DLGAP1: variants seen among roughly 807,000 people sequenced by gnomAD.
The protein encoded by DLGAP1 is disks large-associated protein 1.
Under a neutral mutation model 90.8 loss-of-function variants are expected in DLGAP1, and 11 were observed. The observed-to-expected ratio is 0.12, with a 90% CI of 0.08 to 0.20. The LOEUF is 0.20. Ranked by LOEUF, DLGAP1 falls within the 10% of genes least tolerant of loss-of-function variation. DLGAP1 has a pLI of 1.00. For missense variants in DLGAP1, 1,050 were observed against 1,333.8 expected, an observed-to-expected ratio of 0.79 and a Z score of 3.31; for synonymous variants, 558 against 540.7, an observed-to-expected ratio of 1.03 and a Z score of -0.44.
At chr18:3,751,969 T>C (rs2063516517) in intron 5 of DLGAP1, among the ~76,000 whole-genome samples, 1 of 151,416 alleles carries the variant, frequency 6.6e-6, no homozygotes, top group South Asian at 2.1e-4. Context: ...CTGCAACCTC[T>C]GCTGCCCAGG....
At chr18:4,248,976 G>C (rs964211816) in intron 1 of DLGAP1, among the ~76,000 whole-genome samples, 1 of 152,136 alleles carries the variant, frequency 6.6e-6, no homozygotes, top group Non-Finnish European at 1.5e-5. Flanking sequence ...CCTTTGCCTG[G>C]AATGCTCAGA....
intron 1 of DLGAP1, among the ~76,000 whole-genome samples, chr18:4,249,651 A>G (rs2078737112): frequency 1.3e-5 from 2 of 152,196 alleles, no homozygotes; most frequent in African/African-American, 4.8e-5. Flanking sequence ...GCAGTGGTGC[A>G]ATCATAGCTC....
chr18:4,302,801 T>C (rs1041288836), intron 1 of DLGAP1, among the ~76,000 whole-genome samples: 1 of 152,200 alleles, frequency 6.6e-6, no homozygotes, highest in Non-Finnish European at 1.5e-5. Context: ...ATAGGTCACA[T>C]TGGGTAGCAT....
chr18:4,382,830 G>T (rs542306399), intron 1 of DLGAP1, among the ~76,000 whole-genome samples: 2 of 152,046 alleles, frequency 1.3e-5, no homozygotes, highest in South Asian at 4.1e-4. Flanking sequence ...ATTTAAGAAA[G>T]ATTTATTAAA....
At chr18:3,955,675 T>C (rs2073070735) in intron 3 of DLGAP1, among the ~76,000 whole-genome samples, 1 of 151,176 alleles carries the variant, frequency 6.6e-6, no homozygotes, top group Non-Finnish European at 1.5e-5. Flanking sequence ...GATCGTGCCA[T>C]TGCACTCCAC....
intron 1 of DLGAP1, among the ~76,000 whole-genome samples, chr18:4,284,275 G>C (rs140247914): frequency 6.6e-6 from 1 of 151,598 alleles, no homozygotes; most frequent in Non-Finnish European, 1.5e-5. Context: ...GTATAATGTC[G>C]GCTCTTCCTT....
In DLGAP1 at chr18:3,735,996, A is replaced by C. The variant is rs187706802; in HGVS notation, c.1350+6339T>G. Reference sequence around the variant, plus strand: ...AGCACACACCATGCCACATGCACACACACACACATAATGAGGGGATGGCCT... The same window carrying C: ...AGCACACACCATGCCACATGCACACCCACACACATAATGAGGGGATGGCCT... On this transcript the variant is annotated intron_variant, in intron 6 of 12. Coordinates refer to ENST00000315677, the MANE Select transcript of DLGAP1 (RefSeq NM_004746.4). 1.5e-3 allele frequency among the ~76,000 whole-genome samples: 231 copies of C among 152,170 alleles called. 1 individual carries two copies. Among genetic ancestry groups the C allele is most frequent in the African/African-American group, 5.4e-3 (223 of 41,512 alleles).
In DLGAP1 at chr18:3,729,675, C is replaced by G. The variant is rs2062346804; in HGVS notation, c.1351-300G>C. Among the ~76,000 whole-genome samples, 1 of 152,070 alleles carries G rather than the reference C, an allele frequency of 6.6e-6. No homozygotes were observed. The highest frequency in any genetic ancestry group is 6.5e-5 in the Admixed American group (1 of 15,268). On this transcript the variant is annotated intron_variant, in intron 6 of 12. Transcript: ENST00000315677. This position sits in a 1 kb window ranked among gnomAD's most constrained non-coding sequence, Gnocchi z 6.2. Reference sequence around the variant, plus strand: ...CCACCCGCCTGGGCCTCCCAAAGTGCTGGGATTACAGGCATGAGCTACCAC... The same window carrying G: ...CCACCCGCCTGGGCCTCCCAAAGTGGTGGGATTACAGGCATGAGCTACCAC...
At chr18:4,066,995 A>T (rs1269361676) in intron 2 of DLGAP1, among the ~76,000 whole-genome samples, 3 of 152,212 alleles carry the variant, frequency 2.0e-5, no homozygotes, top group Non-Finnish European at 4.4e-5. Context: ...CTATGCAGCC[A>T]TACAAAAGAA....
Position 4,342,322 on chromosome 18 carries a change from C to A in DLGAP1, c.-267+112684G>T, listed in dbSNP as rs1033844390. 1.3e-5 allele frequency among the ~76,000 whole-genome samples: 2 copies of A among 151,934 alleles called. No individual in the cohort carries two copies. The highest frequency in any genetic ancestry group is 2.9e-5 in the Non-Finnish European group (2 of 68,002). ...ATTAGATGTTACTTGTATTTTTGAACTATAAAATATTATACTTATGAATAT... is the reference window on the plus strand; with the variant it reads ...ATTAGATGTTACTTGTATTTTTGAAATATAAAATATTATACTTATGAATAT... On this transcript the variant is annotated intron_variant, in intron 1 of 12. Coordinates refer to ENST00000315677, the MANE Select transcript of DLGAP1 (RefSeq NM_004746.4). This position sits in a 1 kb window ranked among gnomAD's most constrained non-coding sequence, Gnocchi z 5.8.
At chr18:3,990,817 TGCA>T (rs1391653777) in intron 3 of DLGAP1, among the ~76,000 whole-genome samples, 1 of 151,970 alleles carries the variant, frequency 6.6e-6, no homozygotes, top group Non-Finnish European at 1.5e-5. Context: ...ACATAGTACA[TGCA>T]ACAGAGTGAA....
chr18:4,053,504 C>T (rs550811641), intron 2 of DLGAP1, among the ~76,000 whole-genome samples: 2 of 152,294 alleles, frequency 1.3e-5, no homozygotes, highest in African/African-American at 4.8e-5. Context: ...TGGGTGGGGA[C>T]ACAGCCAAAG....
chr18:4,069,463 G>A (rs2075415940), intron 2 of DLGAP1, among the ~76,000 whole-genome samples: 1 of 152,148 alleles, frequency 6.6e-6, no homozygotes, highest in Non-Finnish European at 1.5e-5. Flanking sequence ...CCTGGTGGGA[G>A]GTGATTAGAT....
In DLGAP1 at chr18:3,561,843, AAG is replaced by A. The variant is rs544816289; in HGVS notation, c.2057+5645_2057+5646del. Among the ~76,000 whole-genome samples, 191 of 151,042 alleles carry A rather than the reference AAG, an allele frequency of 1.3e-3. 12 individuals are homozygous for A. The highest frequency in any genetic ancestry group is 4.3e-3 in the African/African-American group (175 of 40,386). Reference sequence around the variant, plus strand: ...CTGATACTGCGCAATTTACAAAAGAAAGAGGTTTATGGGACTTACAGTTCCAT... The same window carrying A: ...CTGATACTGCGCAATTTACAAAAGAAAGGTTTATGGGACTTACAGTTCCAT... On this transcript the variant is annotated intron_variant, in intron 9 of 12. Coordinates refer to ENST00000315677, the MANE Select transcript of DLGAP1 (RefSeq NM_004746.4).
Position 4,044,808 on chromosome 18 carries a change from A to C in DLGAP1, c.-158-39607T>G, listed in dbSNP as rs186156044. 1.6e-4 allele frequency among the ~76,000 whole-genome samples: 24 copies of C among 152,302 alleles called. No individual in the cohort carries two copies. The East Asian group carries it at 4.6e-3, about 29-fold the overall frequency. The stretch of plus-strand genomic sequence containing the variant: ...ACAAACAAAAACCTAGGTTGACCTC[A>C]GGTAAAAGAAATAGTACTACAAAAT... On this transcript the variant is annotated intron_variant, in intron 2 of 12. Transcript: ENST00000315677.
At chr18:3,915,668 G>C (rs751281038) in intron 3 of DLGAP1, among the ~76,000 whole-genome samples, 4 of 152,128 alleles carry the variant, frequency 2.6e-5, no homozygotes, top group Non-Finnish European at 5.9e-5. Flanking sequence ...GTTAAAACAA[G>C]GAAAACAGCA....
intron 1 of DLGAP1, among the ~76,000 whole-genome samples, chr18:4,370,982 A>G (rs1206950588): frequency 6.6e-6 from 1 of 152,168 alleles, no homozygotes; most frequent in Non-Finnish European, 1.5e-5. Flanking sequence ...ACATAACAAG[A>G]AGATAGTGCA....
intron 9 of DLGAP1, among the ~76,000 whole-genome samples, chr18:3,563,169 C>T (rs141135000): frequency 1.6e-3 from 245 of 152,142 alleles, no homozygotes; most frequent in African/African-American, 5.8e-3. Flanking sequence ...TGTTCTTTCC[C>T]TCTCACTTTT....
At chr18:4,442,145 C>T (rs75889124) in intron 1 of DLGAP1, among the ~76,000 whole-genome samples, 1 of 152,272 alleles carries the variant, frequency 6.6e-6, no homozygotes, top group Non-Finnish European at 1.5e-5. Context: ...GCGCACGCCA[C>T]CATGCCGGGA....
Sources: allele counts gnomAD v4.1 joint callset (sites outside exome capture counted in the v4.1 genomes callset), GRCh38; gene constraint gnomAD v4.1.1; non-coding constraint Gnocchi (gnomAD v3.1); transcripts MANE v1.5; gene names NCBI Gene and HGNC (gene_info 2026-07-23, HGNC 2026-07-21).